NOX1: variants seen among roughly 807,000 people sequenced by gnomAD.
NOX1 encodes NADPH oxidase 1.
A neutral mutation model predicts 42.5 loss-of-function variants in NOX1; 34 were observed. The ratio of observed to expected loss-of-function variants is 0.80; its 90% CI spans 0.61 to 1.07. NOX1 has a LOEUF of 1.07. Ranked by LOEUF, NOX1 falls within the 50% of genes least tolerant of loss-of-function variation. The pLI is 0.00. For missense variants in NOX1, 408 were observed against 427.0 expected (o/e 0.96, Z 0.39); for synonymous variants, 143 against 152.5 (o/e 0.94, Z 0.46).
rs776805326 is a variant in NOX1, at chrX:100,849,357, C to T, written c.1366G>A (p.Glu456Lys). 3.3e-6 allele frequency: 4 copies of T among 1,210,225 alleles called. No individual in the cohort carries two copies. The South Asian group carries it at 7.0e-5, about 21-fold the overall frequency. Reference protein sequence around the residue: ...SWFNNLLTSLEQEMEELGKVG... With the variant: ...SWFNNLLTSLKQEMEELGKVG... ...TTGCCTAATTCCTCCATCTCCTGTT[C>T]CAGGGAAGTCAACAGGTTGTTGAAC... The change falls in exon 11 of 13, where the codon GAA (glutamate) becomes AAA (lysine). Residue 456 changes from glutamate (E) to lysine (K), a missense_variant. Coordinates refer to ENST00000372966, the MANE Select transcript of NOX1 (RefSeq NM_007052.5).
intron 7 of NOX1, among the ~76,000 whole-genome samples, chrX:100,857,004 A>AGAT (rs2147912191): frequency 8.9e-6 from 1 of 111,803 alleles, no homozygotes; most frequent in African/African-American, 3.3e-5. Flanking sequence ...ACTACCCATT[A>AGAT]GATAGTTTTT....
chrX:100,853,325 TC>T (rs1569445690), intron 7 of NOX1, among the ~76,000 whole-genome samples: 465 of 21,987 alleles, frequency 0.021, 9 homozygotes, highest in African/African-American at 0.098. Flanking sequence ...TTTCTTTCTC[TC>T]TCTTTCTCTT....
chrX:100,850,484 G>A, intron 8 of NOX1, 98 bp from the exon 9 acceptor site: 1 of 531,562 alleles, frequency 1.9e-6, no homozygotes, highest in Non-Finnish European at 3.1e-6. Flanking sequence ...TGGTGACAGT[G>A]GTGAACTACA....
At chrX:100,853,330 T>C (rs1388025676) in intron 7 of NOX1, among the ~76,000 whole-genome samples, 121 of 15,872 alleles carry the variant, frequency 7.6e-3, no homozygotes, top group Non-Finnish European at 8.0e-3. Context: ...TTCTCTCTCT[T>C]TCTCTTTCTT....
At chrX:100,864,389 C>T (rs1185149978) in intron 2 of NOX1, among the ~76,000 whole-genome samples, 1 of 112,430 alleles carries the variant, frequency 8.9e-6, no homozygotes, top group Non-Finnish European at 1.9e-5. Context: ...TCTAATATTG[C>T]AGTTATAAGC....
At chrX:100,855,924 T>C in intron 7 of NOX1, 1 of 1,169,915 alleles carries the variant, frequency 8.5e-7, no homozygotes, top group South Asian at 1.8e-5. Flanking sequence ...GTCATGGTCG[T>C]CAAAAGTTAC....
intron 2 of NOX1, among the ~76,000 whole-genome samples, chrX:100,867,123 T>C (rs1003737800): frequency 1.8e-5 from 2 of 111,739 alleles, no homozygotes; most frequent in African/African-American, 3.3e-5. Flanking sequence ...AGCTCCGCCT[T>C]CTGGGTTCAC....
intron 2 of NOX1, among the ~76,000 whole-genome samples, chrX:100,864,219 A>C (rs2085224515): frequency 8.9e-6 from 1 of 111,822 alleles, no homozygotes; most frequent in Admixed American, 9.5e-5. Context: ...GGAACTCCTG[A>C]GCTCAAGAGA....
intron 7 of NOX1, chrX:100,856,033 C>A: frequency 9.1e-7 from 1 of 1,102,484 alleles, no homozygotes; most frequent in South Asian, 1.8e-5. Context: ...GATGTTCTTC[C>A]GTGTCTTCTT....
At chrX:100,850,861 A>G (rs746043580) in intron 8 of NOX1, among the ~76,000 whole-genome samples, 18 of 109,274 alleles carry the variant, frequency 1.6e-4, no homozygotes, top group African/African-American at 6.0e-4. Flanking sequence ...TTTTTTTGAG[A>G]CAGAGCCTCT....
chrX:100,864,226 G>A (rs1460693356), intron 2 of NOX1, among the ~76,000 whole-genome samples: 1 of 112,035 alleles, frequency 8.9e-6, no homozygotes, highest in Non-Finnish European at 1.9e-5. Context: ...CTGAGCTCAA[G>A]AGATCTGCCT....
chrX:100,855,169 T>C, intron 7 of NOX1: 2 of 425,709 alleles, frequency 4.7e-6, no homozygotes, highest in East Asian at 9.7e-5. Flanking sequence ...AAACATGTCT[T>C]CTTTGTGGCA....
intron 2 of NOX1, among the ~76,000 whole-genome samples, chrX:100,864,035 G>C (rs1480719500): frequency 6.2e-5 from 7 of 112,034 alleles, no homozygotes; most frequent in Non-Finnish European, 1.3e-4. Context: ...TATTGCCCAG[G>C]CTGGAGTGCA....
chrX:100,867,318 C>CA (rs1183704354), intron 2 of NOX1, among the ~76,000 whole-genome samples: 3 of 112,103 alleles, frequency 2.7e-5, no homozygotes, highest in Non-Finnish European at 3.8e-5. Context: ...CAGCGCCTGG[C>CA]AAAAAAATGT....
chrX:100,852,543 G>T (rs776397499), intron 7 of NOX1, among the ~76,000 whole-genome samples: 1 of 112,385 alleles, frequency 8.9e-6, no homozygotes, highest in African/African-American at 3.2e-5. Flanking sequence ...GCTTCTACCT[G>T]CACAGGAACT....
rs111952963 is a variant in NOX1 at position 100,848,805 on chromosome X, G to A, written c.1444-51C>T. On this transcript the variant is annotated intron_variant, in intron 11 of 12. Transcript: ENST00000372966. ...AAAAACCAAGTCCTAGGCTGGGTGC[G>A]TGGCTCACGCCTGTAATCCCAATAC... 9.2e-4 allele frequency: 1,078 copies of A among 1,174,650 alleles called. 5 individuals are homozygous for A. In the African/African-American group the frequency reaches 0.016, roughly 17 times the overall value.
intron 12 of NOX1, among the ~76,000 whole-genome samples, chrX:100,848,003 T>G (rs1281916283): frequency 9.0e-6 from 1 of 110,734 alleles, no homozygotes; most frequent in Non-Finnish European, 1.9e-5. Context: ...TTGAGTCCCC[T>G]CCCCGCAAAA....
intron 7 of NOX1, chrX:100,855,695 A>G: frequency 9.6e-7 from 1 of 1,039,404 alleles, no homozygotes; most frequent in African/African-American, 1.8e-5. Flanking sequence ...CACTGCCACC[A>G]TATCCACCAC....
At position 100,862,152 on chromosome X, in the gene NOX1, T is replaced by C. The variant is rs764392162; in HGVS notation, c.804+19A>G. 34 of 1,208,613 alleles carry C rather than the reference T, an allele frequency of 2.8e-5. No individual in the cohort carries two copies. Among genetic ancestry groups the C allele is most frequent in the Non-Finnish European group, 3.6e-5 (32 of 893,861 alleles). On this transcript the variant is annotated intron_variant, in intron 7 of 12. Transcript: ENST00000372966. ...AACAGCTCCTAACAAGAGTCTGTCCTTGCCCGTAGGGCTCTTACCTCAGGG... is the reference window on the plus strand; with the variant it reads ...AACAGCTCCTAACAAGAGTCTGTCCCTGCCCGTAGGGCTCTTACCTCAGGG...
Sources: allele counts gnomAD v4.1 joint callset (sites outside exome capture counted in the v4.1 genomes callset), GRCh38; gene constraint gnomAD v4.1.1; transcripts MANE v1.5; gene names NCBI Gene and HGNC (gene_info 2026-07-23, HGNC 2026-07-21).